The following MICU2 variants were observed in gnomAD, a reference collection of about 807,000 sequenced individuals.
MICU2 encodes calcium uptake protein 2, mitochondrial.
MICU2 carries 64 observed loss-of-function variants against 60.4 expected under a neutral mutation model. The observed-to-expected ratio is 1.06, with a 90% confidence interval of 0.87 to 1.31. MICU2 has a LOEUF of 1.31. Ranked by LOEUF, MICU2 falls within the 50% of genes most tolerant of loss-of-function variation. The pLI is 0.00. For synonymous variants in MICU2, 201 were observed against 175.0 expected, an observed-to-expected ratio of 1.15 and a Z score of -1.17; for missense variants, 569 against 531.0, an observed-to-expected ratio of 1.07 and a Z score of -0.70.
intron 2 of MICU2, among the ~76,000 whole-genome samples, chr13:21,563,880 G>A (rs1274617135): frequency 6.6e-6 from 1 of 150,660 alleles, no homozygotes; most frequent in Non-Finnish European, 1.5e-5. Context: ...TGCAATCATA[G>A]TTCACTGTAG....
At chr13:21,537,856 A>G (rs1183693205) in intron 4 of MICU2, among the ~76,000 whole-genome samples, 1 of 152,200 alleles carries the variant, frequency 6.6e-6, no homozygotes, top group Non-Finnish European at 1.5e-5. Context: ...ATTTGCAAAT[A>G]TCTGCATAAA....
At chr13:21,557,163 G>A (rs971600937) in intron 2 of MICU2, among the ~76,000 whole-genome samples, 28 of 152,126 alleles carry the variant, frequency 1.8e-4, no homozygotes, top group Admixed American at 1.1e-3. Context: ...TAGAAAGTAG[G>A]CAGGGTGGGG....
chr13:21,557,148 G>C (rs193094009), intron 2 of MICU2, among the ~76,000 whole-genome samples: 16 of 152,230 alleles, frequency 1.1e-4, no homozygotes, highest in Middle Eastern at 3.4e-3. Context: ...AGGTGCATTG[G>C]GTATTAGAAA....
intron 4 of MICU2, among the ~76,000 whole-genome samples, chr13:21,535,899 G>C (rs1470830752): frequency 2.0e-5 from 3 of 152,156 alleles, no homozygotes; most frequent in African/African-American, 7.2e-5. Context: ...AAAAGGTGAT[G>C]AAAGTGAGGA....
intron 1 of MICU2, among the ~76,000 whole-genome samples, chr13:21,586,208 C>T (rs1888453350): frequency 6.6e-6 from 1 of 152,196 alleles, no homozygotes; most frequent in African/African-American, 2.4e-5. Context: ...TAAGATCCCT[C>T]TGATGATTAC....
intron 2 of MICU2, among the ~76,000 whole-genome samples, chr13:21,549,825 T>C (rs943834295): frequency 1.3e-5 from 2 of 152,184 alleles, no homozygotes; most frequent in African/African-American, 2.4e-5. Flanking sequence ...AACTTTATAA[T>C]AATTAATAAC....
intron 8 of MICU2, among the ~76,000 whole-genome samples, chr13:21,504,474 C>A (rs1566139923): frequency 6.6e-6 from 1 of 152,148 alleles, no homozygotes. Flanking sequence ...AAGCTACTTT[C>A]ATCTTACCTA....
intron 1 of MICU2, 127 bp downstream of exon 1, chr13:21,603,812 C>A: frequency 1.8e-6 from 2 of 1,087,204 alleles, no homozygotes; most frequent in South Asian, 1.6e-5. Context: ...GCAGGGCGCT[C>A]CGATCCGCAG....
intron 2 of MICU2, among the ~76,000 whole-genome samples, chr13:21,562,161 G>A (rs1266960598): frequency 4.6e-5 from 7 of 151,704 alleles, no homozygotes; most frequent in South Asian, 2.1e-4. Flanking sequence ...GAATAGTGCC[G>A]CAATCAACAT....
chr13:21,518,470 C>T (rs535731818), intron 6 of MICU2, among the ~76,000 whole-genome samples: 1 of 152,304 alleles, frequency 6.6e-6, no homozygotes, highest in Admixed American at 6.5e-5. Context: ...AGGGGCTCCG[C>T]TATGCCCACT....
chr13:21,590,083 T>C (rs1888547315), intron 1 of MICU2, among the ~76,000 whole-genome samples: 1 of 152,132 alleles, frequency 6.6e-6, no homozygotes, highest in African/African-American at 2.4e-5. Context: ...ATTCAGGAAA[T>C]ACAGAGAACA....
At chr13:21,546,816 A>G (rs1366400364) in intron 2 of MICU2, among the ~76,000 whole-genome samples, 1 of 152,144 alleles carries the variant, frequency 6.6e-6, no homozygotes, top group South Asian at 2.1e-4. Flanking sequence ...AAAAAATACA[A>G]CTGATTTTTA....
At chr13:21,590,184 A>G (rs542985289) in intron 1 of MICU2, among the ~76,000 whole-genome samples, 1 of 152,206 alleles carries the variant, frequency 6.6e-6, no homozygotes, top group Non-Finnish European at 1.5e-5. Context: ...TGCTAAGGGC[A>G]GCCAGAGAGA....
At chr13:21,537,514 G>A (rs1258255183) in intron 4 of MICU2, among the ~76,000 whole-genome samples, 1 of 150,450 alleles carries the variant, frequency 6.6e-6, no homozygotes, top group Non-Finnish European at 1.5e-5. Context: ...TTGTTGCCCA[G>A]GCTGGAGTGT....
At position 21,504,751 on chromosome 13, in the gene MICU2, C is replaced by T. The variant is rs535542421; in HGVS notation, c.762-1654G>A. Reference sequence around the variant, plus strand: ...TTTAGGCAGTGTTGTACTGGAGTGGCGCGTACAGGCTGTGAGTCTATCATG... The same window carrying T: ...TTTAGGCAGTGTTGTACTGGAGTGGTGCGTACAGGCTGTGAGTCTATCATG... On this transcript the variant is annotated intron_variant, in intron 8 of 11. Coordinates refer to ENST00000382374, the MANE Select transcript of MICU2 (RefSeq NM_152726.3). 3.9e-5 allele frequency among the ~76,000 whole-genome samples: 6 copies of T among 152,232 alleles called. No individual in the cohort carries two copies. The South Asian group carries it at 1.2e-3, about 32-fold the overall frequency.
chr13:21,548,673 C>T (rs1392753789), intron 2 of MICU2, among the ~76,000 whole-genome samples: 1 of 152,180 alleles, frequency 6.6e-6, no homozygotes, highest in South Asian at 2.1e-4. Flanking sequence ...TCCTGTTTGA[C>T]TCCAATAAGC....
chr13:21,555,742 T>TCC (rs140965721), intron 2 of MICU2, among the ~76,000 whole-genome samples: 1 of 151,556 alleles, frequency 6.6e-6, no homozygotes, highest in Non-Finnish European at 1.5e-5. Context: ...CTCAATACCT[T>TCC]CCCCCCCTCT....
chr13:21,555,899 A>C (rs1887696560), intron 2 of MICU2, among the ~76,000 whole-genome samples: 1 of 152,154 alleles, frequency 6.6e-6, no homozygotes. Context: ...GCTCCTACCT[A>C]ATCCAAGCTT....
chr13:21,557,727 C>T (rs565048969), intron 2 of MICU2, among the ~76,000 whole-genome samples: 282 of 152,174 alleles, frequency 1.9e-3, no homozygotes, highest in Non-Finnish European at 1.2e-3. Context: ...TCCTTCTTAT[C>T]CATGATGAAA....
Sources: allele counts gnomAD v4.1 joint callset (sites outside exome capture counted in the v4.1 genomes callset), GRCh38; gene constraint gnomAD v4.1.1; transcripts MANE v1.5; gene names NCBI Gene and HGNC (gene_info 2026-07-23, HGNC 2026-07-21).